Variants in AUTS2 observed in about 807,000 individuals in gnomAD.
AUTS2 encodes autism susceptibility gene 2 protein.
AUTS2 carries 17 observed loss-of-function variants against 112.4 expected under a neutral mutation model. The ratio of observed to expected loss-of-function variants is 0.15; its 90% CI spans 0.10 to 0.23. The LOEUF is 0.23. Ranked by LOEUF, AUTS2 falls within the 10% of genes least tolerant of loss-of-function variation. The pLI is 1.00. For missense variants in AUTS2, 1,510 were observed against 1,701.6 expected, an observed-to-expected ratio of 0.89 and a Z score of 1.98; for synonymous variants, 751 against 702.7, an observed-to-expected ratio of 1.07 and a Z score of -1.09.
At chr7:69,840,728 A>G (rs940065118) in intron 1 of AUTS2, among the ~76,000 whole-genome samples, 1 of 152,192 alleles carries the variant, frequency 6.6e-6, no homozygotes, top group Non-Finnish European at 1.5e-5. Flanking sequence ...GGTGACTATG[A>G]TGTCAACTTC....
At chr7:69,830,767 T>C (rs919885168) in intron 1 of AUTS2, among the ~76,000 whole-genome samples, 3 of 152,250 alleles carry the variant, frequency 2.0e-5, no homozygotes, top group Admixed American at 6.5e-5. Flanking sequence ...TAAATCGTTT[T>C]CTTTGGCTTG....
chr7:69,823,365 C>T (rs752506949), intron 1 of AUTS2, among the ~76,000 whole-genome samples: 1 of 152,196 alleles, frequency 6.6e-6, no homozygotes, highest in Non-Finnish European at 1.5e-5. Context: ...GAACTCCACT[C>T]AGCATAGACT....
intron 5 of AUTS2, among the ~76,000 whole-genome samples, chr7:70,443,494 A>G (rs1218925644): frequency 2.0e-5 from 3 of 152,230 alleles, no homozygotes; most frequent in Non-Finnish European, 4.4e-5. Flanking sequence ...AGGGAAATTA[A>G]TATGTGATTG....
intron 6 of AUTS2, among the ~76,000 whole-genome samples, chr7:70,740,232 A>G (rs920100140): frequency 6.6e-6 from 1 of 152,232 alleles, no homozygotes; most frequent in Non-Finnish European, 1.5e-5. Flanking sequence ...AAAAGAAAGG[A>G]GAGGCAAGAC....
intron 1 of AUTS2, among the ~76,000 whole-genome samples, chr7:69,878,763 C>T (rs73168740): frequency 0.078 from 11,913 of 152,190 alleles, 648 homozygotes; most frequent in African/African-American, 0.15. Context: ...GTATTAGCCA[C>T]GATACTAATT....
At chr7:69,969,628 A>G (rs1040904393) in intron 2 of AUTS2, among the ~76,000 whole-genome samples, 14 of 152,226 alleles carry the variant, frequency 9.2e-5, no homozygotes, top group African/African-American at 3.4e-4. Flanking sequence ...AATAAGTCTT[A>G]GTGTAAACAC....
At chr7:70,272,144 T>C (rs1787723044) in intron 4 of AUTS2, among the ~76,000 whole-genome samples, 1 of 152,034 alleles carries the variant, frequency 6.6e-6, no homozygotes, top group Non-Finnish European at 1.5e-5. Context: ...TCTGATGTTA[T>C]GTATGAAAGA....
At chr7:70,462,434 A>G (rs1022775594) in intron 5 of AUTS2, among the ~76,000 whole-genome samples, 1 of 152,160 alleles carries the variant, frequency 6.6e-6, no homozygotes, top group East Asian at 1.9e-4. Context: ...AGTGGTGGGT[A>G]TATAGGTATT....
At chr7:69,634,857 GA>G (rs1181071114) in intron 1 of AUTS2, among the ~76,000 whole-genome samples, 1 of 152,172 alleles carries the variant, frequency 6.6e-6, no homozygotes, top group Non-Finnish European at 1.5e-5. Context: ...CACTCACCTG[GA>G]TTATTCTAAT....
At chr7:69,887,206 G>A (rs998519373) in intron 1 of AUTS2, among the ~76,000 whole-genome samples, 4 of 152,060 alleles carry the variant, frequency 2.6e-5, no homozygotes, top group Admixed American at 6.6e-5. Flanking sequence ...TTGAGGTCAG[G>A]AGTTGGAGAC....
chr7:70,536,196 C>T (rs1368215564), intron 5 of AUTS2, among the ~76,000 whole-genome samples: 1 of 151,910 alleles, frequency 6.6e-6, no homozygotes, highest in Non-Finnish European at 1.5e-5. Context: ...CAGGTAGGCA[C>T]AAGAATCACT....
At chr7:69,773,015 G>T (rs1039783562) in intron 1 of AUTS2, among the ~76,000 whole-genome samples, 4 of 152,088 alleles carry the variant, frequency 2.6e-5, no homozygotes, top group African/African-American at 9.7e-5. Flanking sequence ...AAAAGAGTAC[G>T]GTATGTAAGA....
intron 4 of AUTS2, among the ~76,000 whole-genome samples, chr7:70,415,127 C>T (rs1049812191): frequency 1.3e-4 from 20 of 152,218 alleles, no homozygotes; most frequent in African/African-American, 4.3e-4. Flanking sequence ...TCTCAAAGAG[C>T]CCCACCTCAG....
chr7:70,079,480 C>T (rs892517972), intron 2 of AUTS2, among the ~76,000 whole-genome samples: 1 of 151,934 alleles, frequency 6.6e-6, no homozygotes, highest in African/African-American at 2.4e-5. Flanking sequence ...CCAGTCTGGG[C>T]AACAGACAGA....
intron 2 of AUTS2, among the ~76,000 whole-genome samples, chr7:69,981,805 G>A (rs1009599879): frequency 6.6e-6 from 1 of 152,202 alleles, no homozygotes; most frequent in Admixed American, 6.5e-5. Context: ...GGTCACTAAA[G>A]AGTGAAGATG....
chr7:70,729,478 G>C (rs939399772), intron 6 of AUTS2, among the ~76,000 whole-genome samples: 1 of 152,196 alleles, frequency 6.6e-6, no homozygotes, highest in African/African-American at 2.4e-5. Context: ...TGTTCCATTA[G>C]AGAACTTCAC....
chr7:69,947,613 G>A (rs1051576068), intron 2 of AUTS2, among the ~76,000 whole-genome samples: 2 of 152,186 alleles, frequency 1.3e-5, no homozygotes, highest in Middle Eastern at 3.4e-3. Flanking sequence ...TACCCACTAG[G>A]CAGATTTTTT....
chr7:70,130,875 G>A (rs1441420421), intron 3 of AUTS2, among the ~76,000 whole-genome samples: 1 of 152,048 alleles, frequency 6.6e-6, no homozygotes, highest in Non-Finnish European at 1.5e-5. Context: ...TCTACCTACT[G>A]CATTGAAAAT....
At chr7:70,600,089 C>CA (rs1311709622) in intron 5 of AUTS2, among the ~76,000 whole-genome samples, 8 of 152,250 alleles carry the variant, frequency 5.3e-5, no homozygotes, top group Admixed American at 4.6e-4. Context: ...TGTGTTTTCA[C>CA]ACGTTCTCCA....
Sources: allele counts gnomAD v4.1 joint callset (sites outside exome capture counted in the v4.1 genomes callset), GRCh38; gene constraint gnomAD v4.1.1; transcripts MANE v1.5; gene names NCBI Gene and HGNC (gene_info 2026-07-23, HGNC 2026-07-21).